Variants in GABRB1 observed in about 807,000 individuals in gnomAD.
GABRB1 encodes the protein gamma-aminobutyric acid type A receptor subunit beta1.
GABRB1 carries 17 observed loss-of-function variants against 51.6 expected under a neutral mutation model. That is an observed-to-expected ratio of 0.33 (90% CI 0.23 to 0.49). The LOEUF is 0.49. Ranked by LOEUF, GABRB1 falls within the 20% of genes least tolerant of loss-of-function variation. The pLI, the probability that GABRB1 is intolerant of heterozygous loss-of-function variation, is 0.99. For missense variants in GABRB1, 410 were observed against 600.6 expected, an observed-to-expected ratio of 0.68 and a Z score of 3.32; for synonymous variants, 247 against 218.9, an observed-to-expected ratio of 1.13 and a Z score of -1.14.
intron 3 of GABRB1, among the ~76,000 whole-genome samples, chr4:47,149,266 A>G (rs866475626): frequency 6.6e-6 from 1 of 152,078 alleles, no homozygotes; most frequent in Non-Finnish European, 1.5e-5. Flanking sequence ...ACTCAAAAAG[A>G]ATGAAAATGT....
intron 4 of GABRB1, among the ~76,000 whole-genome samples, chr4:47,302,248 T>C (rs567619746): frequency 6.6e-6 from 1 of 152,274 alleles, no homozygotes; most frequent in East Asian, 1.9e-4. Context: ...TCCATTTTCC[T>C]ATTTCTAGTT....
chr4:47,399,085 T>C (rs899150395), intron 5 of GABRB1, among the ~76,000 whole-genome samples: 4 of 152,244 alleles, frequency 2.6e-5, no homozygotes. Flanking sequence ...CCACGGCACC[T>C]GGCCCTTTCT....
chr4:47,328,186 G>T (rs1447691553), intron 5 of GABRB1, among the ~76,000 whole-genome samples: 3 of 151,836 alleles, frequency 2.0e-5, no homozygotes, highest in Non-Finnish European at 4.4e-5. Context: ...AAATTTGTTT[G>T]AGTTCATTGT....
chr4:47,216,616 G>A (rs1449895649), intron 4 of GABRB1, among the ~76,000 whole-genome samples: 1 of 151,766 alleles, frequency 6.6e-6, no homozygotes, highest in Admixed American at 6.6e-5. Context: ...ATTTCTGATG[G>A]GAATTGGAAT....
Position 47,217,791 on chromosome 4 carries a change from A to G in GABRB1, c.461+56322A>G, listed in dbSNP as rs906635467. ...CAATGTGAAATGATCACATTTTAGTATTAAGGATATCCAACACTTCAAACA... is the reference window on the plus strand; with the variant it reads ...CAATGTGAAATGATCACATTTTAGTGTTAAGGATATCCAACACTTCAAACA... On this transcript the variant is annotated intron_variant, in intron 4 of 8. Transcript: ENST00000295454. 2.6e-5 allele frequency among the ~76,000 whole-genome samples: 4 copies of G among 151,798 alleles called. 1 individual carries two copies. The highest frequency in any genetic ancestry group is 2.6e-4 in the Admixed American group (4 of 15,184).
chr4:47,086,332 T>C (rs10003525), intron 3 of GABRB1, among the ~76,000 whole-genome samples: 121,327 of 152,086 alleles, frequency 0.8, 48,786 homozygotes, highest in South Asian at 0.85. Context: ...TATTTAAGAG[T>C]TTTTTATTTT....
chr4:47,220,220 T>C (rs1170699477), intron 4 of GABRB1, among the ~76,000 whole-genome samples: 1 of 151,950 alleles, frequency 6.6e-6, no homozygotes, highest in Non-Finnish European at 1.5e-5. Flanking sequence ...TTCAACATTC[T>C]TAAACCAGCT....
At chr4:47,233,355 CT>C in intron 4 of GABRB1, among the ~76,000 whole-genome samples, 1 of 152,234 alleles carries the variant, frequency 6.6e-6, no homozygotes, top group Non-Finnish European at 1.5e-5. Flanking sequence ...GAATAAAATT[CT>C]AACTTCTGCA....
At chr4:47,289,224 G>A (rs916039519) in intron 4 of GABRB1, among the ~76,000 whole-genome samples, 27 of 152,044 alleles carry the variant, frequency 1.8e-4, no homozygotes, top group African/African-American at 6.3e-4. Context: ...CTAAAGGAAT[G>A]CCACATTTTC....
At chr4:47,076,990 A>G (rs1005830596) in intron 3 of GABRB1, among the ~76,000 whole-genome samples, 1 of 152,218 alleles carries the variant, frequency 6.6e-6, no homozygotes, top group African/African-American at 2.4e-5. Context: ...AGGCTAGGCT[A>G]TAAAATCACA....
In GABRB1 at chr4:47,286,814, T is replaced by C. The variant is rs113142154; in HGVS notation, c.462-33313T>C. Among the ~76,000 whole-genome samples, 832 of 152,116 alleles carry C rather than the reference T, an allele frequency of 5.5e-3. 5 individuals are homozygous for C. Among genetic ancestry groups the C allele is most frequent in the African/African-American group, 0.019 (771 of 41,488 alleles). On this transcript the variant is annotated intron_variant, in intron 4 of 8. Transcript: ENST00000295454. ...CCAAAGAAAAAATTAAATAGAAAAA[T>C]ATGATTGCACAAACAAGAATGTTAC...
intron 5 of GABRB1, among the ~76,000 whole-genome samples, chr4:47,391,726 T>A (rs1459248563): frequency 6.6e-6 from 1 of 152,220 alleles, no homozygotes; most frequent in African/African-American, 2.4e-5. Context: ...AATAGGTCCC[T>A]CTATCAGATT....
At chr4:47,266,665 G>A (rs1439023134) in intron 4 of GABRB1, among the ~76,000 whole-genome samples, 2 of 152,054 alleles carry the variant, frequency 1.3e-5, no homozygotes, top group African/African-American at 4.8e-5. Context: ...TCAATTTGTT[G>A]AAATTTATTG....
intron 4 of GABRB1, among the ~76,000 whole-genome samples, chr4:47,315,614 G>A (rs895670541): frequency 6.6e-6 from 1 of 151,766 alleles, no homozygotes; most frequent in Non-Finnish European, 1.5e-5. Flanking sequence ...ACAATAGCAA[G>A]GGCATGGAGT....
chr4:47,207,560 T>G (rs147730357), intron 4 of GABRB1, among the ~76,000 whole-genome samples: 1 of 152,180 alleles, frequency 6.6e-6, no homozygotes, highest in East Asian at 1.9e-4. Flanking sequence ...AACTAGATAT[T>G]GACCAACGGT....
rs1247269360 is a variant in GABRB1 at position 47,077,993 on chromosome 4, A to AT, written c.240+45509_240+45510insT. ...ATTTTATATATAATATATAATATAT[A>AT]ATATATATATATTGGGAAGGAGTTT... On this transcript the variant is annotated intron_variant, in intron 3 of 8. Coordinates refer to ENST00000295454, the MANE Select transcript of GABRB1 (RefSeq NM_000812.4). 1.7e-3 allele frequency among the ~76,000 whole-genome samples: 217 copies of AT among 130,878 alleles called. 2 individuals are homozygous for AT. The highest frequency in any genetic ancestry group is 5.8e-3 in the African/African-American group (201 of 34,624). The allele number at this position is 130,878 out of a possible 152,430, so 85.9% of individuals were successfully genotyped here.
At chr4:47,188,986 T>C (rs1719314273) in intron 4 of GABRB1, among the ~76,000 whole-genome samples, 1 of 151,976 alleles carries the variant, frequency 6.6e-6, no homozygotes. Flanking sequence ...GCAAGAAATA[T>C]TATATTTTTA....
intron 1 of GABRB1, among the ~76,000 whole-genome samples, chr4:47,020,488 T>C (rs1253387964): frequency 6.6e-6 from 1 of 152,280 alleles, no homozygotes; most frequent in South Asian, 2.1e-4. Flanking sequence ...ATGTTTGAAA[T>C]TGATTTACAA....
chr4:47,408,015 C>A (rs575501153), intron 8 of GABRB1, among the ~76,000 whole-genome samples: 1 of 152,120 alleles, frequency 6.6e-6, no homozygotes, highest in Non-Finnish European at 1.5e-5. Flanking sequence ...TGGCTTAAAC[C>A]CAGAAGGCAA....
Sources: allele counts gnomAD v4.1 joint callset (sites outside exome capture counted in the v4.1 genomes callset), GRCh38; gene constraint gnomAD v4.1.1; transcripts MANE v1.5; gene names NCBI Gene and HGNC (gene_info 2026-07-23, HGNC 2026-07-21).